The following AGBL1 variants were observed in gnomAD, a reference collection of about 807,000 sequenced individuals.
The protein encoded by AGBL1 is AGBL carboxypeptidase 1.
A neutral mutation model predicts 118.9 loss-of-function variants in AGBL1; 130 were observed. The observed-to-expected ratio is 1.09, with a 90% CI of 0.95 to 1.26. The LOEUF is 1.26. Among genes scored for constraint, AGBL1 ranks in the 50% most tolerant of loss-of-function variants. The pLI is 0.00. For missense variants in AGBL1, 1,584 were observed against 1,298.1 expected (o/e 1.22, Z -3.38); for synonymous variants, 555 against 478.9 (o/e 1.16, Z -2.08).
intron 22 of AGBL1, among the ~76,000 whole-genome samples, chr15:86,807,841 A>G (rs2078739409): frequency 1.3e-5 from 2 of 152,166 alleles, no homozygotes; most frequent in South Asian, 4.1e-4. Flanking sequence ...TTGTACCTAC[A>G]GTATGTGAGA....
intron 24 of AGBL1, among the ~76,000 whole-genome samples, chr15:87,011,175 T>A (rs774627442): frequency 1.5e-4 from 23 of 152,134 alleles, no homozygotes; most frequent in African/African-American, 5.6e-4. Context: ...TTGCACTCCC[T>A]TCTTCCCATC....
chr15:86,182,723 T>A (rs78349346), intron 5 of AGBL1, among the ~76,000 whole-genome samples: 4,144 of 152,272 alleles, frequency 0.027, 94 homozygotes, highest in East Asian at 0.057. Context: ...ATTAGTTTTA[T>A]TTAATAAGTC....
chr15:86,189,864 T>G (rs925686340), intron 5 of AGBL1, among the ~76,000 whole-genome samples: 1 of 152,230 alleles, frequency 6.6e-6, no homozygotes, highest in Non-Finnish European at 1.5e-5. Flanking sequence ...GTAGAGAGCA[T>G]GTATATCACC....
At chr15:86,315,849 G>A (rs2079998107) in intron 17 of AGBL1, among the ~76,000 whole-genome samples, 1 of 152,076 alleles carries the variant, frequency 6.6e-6, no homozygotes. Context: ...CTCCAAAGTG[G>A]CACTGGTCAA....
intron 19 of AGBL1, among the ~76,000 whole-genome samples, chr15:86,525,516 G>A (rs60089594): frequency 1.2e-3 from 183 of 152,228 alleles, no homozygotes; most frequent in African/African-American, 4.1e-3. Flanking sequence ...AATCAGCATG[G>A]CACTGGTATA....
At chr15:86,676,766 C>T (rs2085856310) in intron 22 of AGBL1, among the ~76,000 whole-genome samples, 1 of 152,094 alleles carries the variant, frequency 6.6e-6, no homozygotes, top group Admixed American at 6.5e-5. Flanking sequence ...TTGTGAATAA[C>T]ATTGTGGGTG....
chr15:86,545,924 A>C, intron 19 of AGBL1, 78 bp from the exon 20 acceptor site: 9 of 1,512,248 alleles, frequency 6.0e-6, no homozygotes, highest in Non-Finnish European at 8.1e-6. Context: ...ATGGAACATG[A>C]GTAGATACGA....
intron 20 of AGBL1, among the ~76,000 whole-genome samples, chr15:86,548,977 AG>A (rs2083627180): frequency 1.3e-5 from 2 of 152,142 alleles, no homozygotes; most frequent in African/African-American, 4.8e-5. Context: ...GAAAAGAGTC[AG>A]GGGGAGGTGT....
intron 22 of AGBL1, among the ~76,000 whole-genome samples, chr15:86,820,010 T>TTG (rs764672103): frequency 2.0e-5 from 3 of 152,150 alleles, no homozygotes; most frequent in Non-Finnish European, 4.4e-5. Context: ...CATCTGATCT[T>TTG]TGACAAACCT....
At chr15:86,517,681 G>A (rs2083138067) in intron 18 of AGBL1, among the ~76,000 whole-genome samples, 1 of 152,142 alleles carries the variant, frequency 6.6e-6, no homozygotes. Context: ...TGACTCTCCT[G>A]AGCATTTTGC....
intron 18 of AGBL1, among the ~76,000 whole-genome samples, chr15:86,439,079 G>A (rs913825479): frequency 1.3e-5 from 2 of 152,146 alleles, no homozygotes; most frequent in Admixed American, 1.3e-4. Context: ...AGGGAATGCT[G>A]ATGGGTGGAA....
intron 22 of AGBL1, among the ~76,000 whole-genome samples, chr15:86,817,575 G>GACACAC (rs61414348): frequency 0.048 from 6,258 of 130,636 alleles, 524 homozygotes; most frequent in African/African-American, 0.18. Flanking sequence ...GAAAGAGACA[G>GACACAC]ACACACACAC....
At chr15:86,364,958 C>CACACACATAT (rs1474501613) in intron 17 of AGBL1, among the ~76,000 whole-genome samples, 1 of 76,138 alleles carries the variant, frequency 1.3e-5, no homozygotes, top group Non-Finnish European at 3.1e-5. Flanking sequence ...ATATGTCACA[C>CACACACATAT]ATATATATAT....
At chr15:86,698,412 G>T (rs1470810) in intron 22 of AGBL1, among the ~76,000 whole-genome samples, 1 of 151,136 alleles carries the variant, frequency 6.6e-6, no homozygotes, top group East Asian at 2.0e-4. Context: ...CTTTGCCTCA[G>T]TACGAATAAG....
At chr15:86,602,911 G>A (rs577334095) in intron 21 of AGBL1, among the ~76,000 whole-genome samples, 45 of 152,120 alleles carry the variant, frequency 3.0e-4, no homozygotes, top group Non-Finnish European at 6.2e-4. Flanking sequence ...GTGGACCAGT[G>A]GAGGTCTCAT....
chr15:86,806,820 ATAT>A (rs1437281501), intron 22 of AGBL1, among the ~76,000 whole-genome samples: 6 of 150,284 alleles, frequency 4.0e-5, no homozygotes, highest in African/African-American at 1.5e-4. Context: ...CACTATATAA[ATAT>A]TATAATTAAT....
chr15:87,028,830 G>C (rs980347235), exon 25 of AGBL1: 2 of 1,606,126 alleles, frequency 1.2e-6, no homozygotes, highest in South Asian at 2.2e-5. Flanking sequence ...CTCAGAGTTT[G>C]TGACACTTGA....
intron 1 of AGBL1, among the ~76,000 whole-genome samples, chr15:86,097,874 A>G (rs929954955): frequency 1.9e-4 from 29 of 152,212 alleles, no homozygotes; most frequent in African/African-American, 7.0e-4. Flanking sequence ...TTCTATTTTT[A>G]GTTTTTTTAG....
intron 3 of AGBL1, among the ~76,000 whole-genome samples, chr15:86,154,104 ATAT>A (rs1345115106): frequency 1.3e-5 from 2 of 152,312 alleles, no homozygotes; most frequent in East Asian, 3.9e-4. Flanking sequence ...AGAATATTCA[ATAT>A]TCTTAATTCT....
Sources: allele counts gnomAD v4.1 joint callset (sites outside exome capture counted in the v4.1 genomes callset), GRCh38; gene constraint gnomAD v4.1.1; transcripts MANE v1.5; gene names NCBI Gene and HGNC (gene_info 2026-07-23, HGNC 2026-07-21).